MED13L: variants seen among roughly 807,000 people sequenced by gnomAD.
MED13L encodes the protein mediator of RNA polymerase II transcription subunit 13-like.
A neutral mutation model predicts 220.9 loss-of-function variants in MED13L; 7 were observed. The observed-to-expected ratio is 0.03, with a 90% CI of 0.02 to 0.06. The LOEUF (loss-of-function observed/expected upper bound fraction) is 0.06, where lower values mean the gene tolerates loss of function less well. MED13L is among the 10% of genes least tolerant of loss of function. The pLI, the probability that MED13L is intolerant of heterozygous loss-of-function variation, is 1.00. For synonymous variants in MED13L, 1,011 were observed against 1,015.2 expected, an observed-to-expected ratio of 1.00 and a Z score of 0.08; for missense variants, 1,965 against 2,760.5, an observed-to-expected ratio of 0.71 and a Z score of 6.46.
chr12:116,168,777 T>C (rs1879468088), intron 2 of MED13L, among the ~76,000 whole-genome samples: 1 of 152,190 alleles, frequency 6.6e-6, no homozygotes, highest in African/African-American at 2.4e-5. Context: ...CTCCTTGGTT[T>C]TGGGATCCCT....
intron 2 of MED13L, among the ~76,000 whole-genome samples, chr12:116,132,797 GTAA>G: frequency 6.6e-6 from 1 of 151,978 alleles, no homozygotes; most frequent in East Asian, 1.9e-4. Flanking sequence ...GTGTGTGCCT[GTAA>G]TCCCAGTTAT....
chr12:116,129,826 T>C (rs1020930030), intron 2 of MED13L, among the ~76,000 whole-genome samples: 3 of 151,624 alleles, frequency 2.0e-5, no homozygotes, highest in African/African-American at 7.3e-5. Context: ...GGAGAATCAC[T>C]TGAAACAGGG....
chr12:116,116,460 C>T (rs1463308843), intron 2 of MED13L, among the ~76,000 whole-genome samples: 27 of 152,126 alleles, frequency 1.8e-4, no homozygotes, highest in Admixed American at 1.8e-3. Flanking sequence ...CCCCTCTCTA[C>T]ATAACCTGCC....
intron 4 of MED13L, among the ~76,000 whole-genome samples, chr12:116,064,479 A>C (rs1263107955): frequency 6.6e-6 from 1 of 152,128 alleles, no homozygotes; most frequent in Admixed American, 6.6e-5. Context: ...AAAAGAGGTC[A>C]ATTTGATTAA....
intron 4 of MED13L, among the ~76,000 whole-genome samples, chr12:116,083,440 A>G (rs1325991243): frequency 6.6e-6 from 1 of 151,492 alleles, no homozygotes; most frequent in Non-Finnish European, 1.5e-5. Context: ...CCTGCGCAAC[A>G]AAGTGGACAT....
chr12:116,118,765 C>T (rs907829438), intron 2 of MED13L, among the ~76,000 whole-genome samples: 2 of 152,160 alleles, frequency 1.3e-5, no homozygotes, highest in Non-Finnish European at 2.9e-5. Context: ...AACTAGACAA[C>T]ACTACTTGAC....
intron 8 of MED13L, among the ~76,000 whole-genome samples, chr12:116,014,276 G>C (rs1264377667): frequency 6.6e-6 from 1 of 152,198 alleles, no homozygotes; most frequent in African/African-American, 2.4e-5. Flanking sequence ...GCTTCTAAAT[G>C]AGGGAAGTTA....
intron 4 of MED13L, among the ~76,000 whole-genome samples, chr12:116,090,463 A>G (rs886946551): frequency 2.0e-5 from 3 of 152,230 alleles, no homozygotes; most frequent in African/African-American, 7.2e-5. Context: ...CTTTCTGCTT[A>G]CAGCAGAACT....
chr12:116,275,512 T>C (rs145767931), intron 1 of MED13L, among the ~76,000 whole-genome samples: 136 of 152,350 alleles, frequency 8.9e-4, no homozygotes, highest in African/African-American at 3.1e-3. Context: ...ACACATTTAA[T>C]AAAGTAACAC....
At chr12:116,031,730 GAAAAGA>G (rs1880805892) in intron 4 of MED13L, among the ~76,000 whole-genome samples, 51 of 65,432 alleles carry the variant, frequency 7.8e-4, no homozygotes, top group East Asian at 1.5e-3. Flanking sequence ...GAAAAGAAAA[GAAAAGA>G]AAAGAAAAGA....
Position 116,007,483 on chromosome 12 carries a change from G to A in MED13L, c.2166C>T (p.Asp722=). 6.2e-7 allele frequency: 1 copy of A among 1,613,772 alleles called. No individual in the cohort carries two copies. The highest frequency in any genetic ancestry group is 1.3e-5 in the African/African-American group (1 of 74,932). Residue 722 remains aspartate (D), a synonymous_variant, in exon 11 of 31, where the codon GAC becomes GAT. Coordinates refer to ENST00000281928, the MANE Select transcript of MED13L (RefSeq NM_015335.5). ...VNDPYTFEDG[D]IKYIFTANKK... is the part of the protein sequence containing the mutation. ...TGTTGGCTGTAAAGATGTATTTTAT[G>A]TCACCATCTTCAAAGGTATATGGGT...
At chr12:116,118,563 C>CTTTCAA (rs1238958829) in intron 2 of MED13L, among the ~76,000 whole-genome samples, 27 of 152,166 alleles carry the variant, frequency 1.8e-4, no homozygotes, top group African/African-American at 6.3e-4. Flanking sequence ...TTTGCTGACC[C>CTTTCAA]TTTCAATTTA....
At chr12:116,179,792 C>T (rs1346904121) in intron 2 of MED13L, among the ~76,000 whole-genome samples, 1 of 151,824 alleles carries the variant, frequency 6.6e-6, no homozygotes. Flanking sequence ...TACAACCCTA[C>T]ATGGATGGAT....
At chr12:116,251,677 C>G (rs1409009275) in intron 1 of MED13L, among the ~76,000 whole-genome samples, 1 of 150,972 alleles carries the variant, frequency 6.6e-6, no homozygotes, top group South Asian at 2.1e-4. Flanking sequence ...AGGAGAATGG[C>G]GTGAACCCAG....
At position 116,012,805 on chromosome 12, in the gene MED13L, A is replaced by C; in HGVS notation, c.1272T>G (p.Ser424=). The C allele has an allele frequency of 6.2e-7, 1 of 1,611,888 alleles. No homozygotes were observed. The highest frequency in any genetic ancestry group is 1.7e-4 in the Middle Eastern group (1 of 6,050). ...CCTTTTTTATTACCTACCTGGAACA[A>C]GAACAGCTGACTCTTTGGGTTGGAT... ...FVDPTQRVSC[S]CSRHKLLKRC... Residue 424 remains serine, a synonymous_variant, in exon 9 of 31, where the codon TCT becomes TCG. Transcript: ENST00000281928.
At chr12:116,176,439 G>A (rs1001009151) in intron 2 of MED13L, among the ~76,000 whole-genome samples, 5 of 151,924 alleles carry the variant, frequency 3.3e-5, no homozygotes, top group African/African-American at 1.2e-4. Flanking sequence ...ACAGTAAAAG[G>A]CAGAGAAACA....
rs573194750 is a variant in MED13L, at chr12:116,138,048, G to T, written c.311-26536C>A. Among the ~76,000 whole-genome samples the T allele has an allele frequency of 5.9e-5, 9 of 151,742 alleles. No individual in the cohort carries two copies. The South Asian group carries it at 1.2e-3, about 21-fold the overall frequency. On this transcript the variant is annotated intron_variant, in intron 2 of 30. Transcript: ENST00000281928. ...ATTTTGTATTTTTAGTAGAGACAGGGTTTTACCATGTTGGCCAGGCTGGTC... is the reference window on the plus strand; with the variant it reads ...ATTTTGTATTTTTAGTAGAGACAGGTTTTTACCATGTTGGCCAGGCTGGTC...
chr12:115,980,898 T>C lies in MED13L; in HGVS notation c.5216A>G (p.Glu1739Gly). 6.2e-7 allele frequency: 1 copy of C among 1,613,028 alleles called. No individual in the cohort carries two copies. Among genetic ancestry groups the C allele is most frequent in the African/African-American group, 1.3e-5 (1 of 74,948 alleles). The stretch of plus-strand genomic sequence containing the variant: ...CAAGTATTGAATGTAGAAAACTTGC[T>C]CATCCTTCATTGTCTGCAGCATGTA... Reference protein sequence around the residue: ...CQYMLQTMKDEQVFYIQYLKS... With the variant: ...CQYMLQTMKDGQVFYIQYLKS... The change falls in exon 23 of 31, where the codon GAG (glutamate) becomes GGG (glycine). Residue 1739 changes from glutamate to glycine, a missense_variant. Coordinates refer to ENST00000281928, the MANE Select transcript of MED13L (RefSeq NM_015335.5).
intron 2 of MED13L, among the ~76,000 whole-genome samples, chr12:116,129,726 T>G (rs770495982): frequency 5.3e-5 from 8 of 151,976 alleles, no homozygotes; most frequent in Non-Finnish European, 1.5e-5. Flanking sequence ...CTGGCCAACA[T>G]AGTGAAACCC....
Sources: allele counts gnomAD v4.1 joint callset (sites outside exome capture counted in the v4.1 genomes callset), GRCh38; gene constraint gnomAD v4.1.1; transcripts MANE v1.5; gene names NCBI Gene and HGNC (gene_info 2026-07-23, HGNC 2026-07-21).